SNX29: variants seen among roughly 807,000 people sequenced by gnomAD.
SNX29 encodes the protein sorting nexin-29.
SNX29 carries 78 observed loss-of-function variants against 102.1 expected under a neutral mutation model. The ratio of observed to expected loss-of-function variants is 0.76; its 90% CI spans 0.64 to 0.92. SNX29 has a LOEUF of 0.92. SNX29 is among the 40% of genes least tolerant of loss of function. The pLI, the probability that SNX29 is intolerant of heterozygous loss-of-function variation, is 0.00. For missense variants in SNX29, 1,280 were observed against 1,061.7 expected, an observed-to-expected ratio of 1.21 and a Z score of -2.86; for synonymous variants, 580 against 414.5, an observed-to-expected ratio of 1.40 and a Z score of -4.85.
intron 9 of SNX29, among the ~76,000 whole-genome samples, chr16:12,062,423 T>TAG (rs1567172326): frequency 9.1e-6 from 1 of 109,592 alleles, no homozygotes; most frequent in African/African-American, 3.3e-5. Flanking sequence ...TAAATAAATA[T>TAG]GTCTCTGGTA....
At chr16:12,415,960 G>A (rs2084619188) in intron 18 of SNX29, among the ~76,000 whole-genome samples, 1 of 152,194 alleles carries the variant, frequency 6.6e-6, no homozygotes, top group Non-Finnish European at 1.5e-5. Context: ...GCTCGTCCTG[G>A]GAGCATTGTT....
At chr16:12,257,521 T>C (rs80215970) in intron 14 of SNX29, among the ~76,000 whole-genome samples, 2,418 of 106,104 alleles carry the variant, frequency 0.023, 62 homozygotes, top group African/African-American at 0.091. Flanking sequence ...CTCTCTCTCT[T>C]TAAGAGAGAC....
At chr16:12,296,790 A>G (rs1301571267) in intron 15 of SNX29, among the ~76,000 whole-genome samples, 2 of 152,214 alleles carry the variant, frequency 1.3e-5, no homozygotes, top group African/African-American at 4.8e-5. Context: ...CACTTTAATG[A>G]AGGGTAAACG....
intron 3 of SNX29, among the ~76,000 whole-genome samples, chr16:12,003,451 A>G (rs148328067): frequency 6.6e-6 from 1 of 152,318 alleles, no homozygotes; most frequent in East Asian, 1.9e-4. Context: ...ATGTTTATGT[A>G]GAATTTGTTT....
chr16:12,122,461 C>G (rs1305756881), intron 11 of SNX29, among the ~76,000 whole-genome samples: 1 of 151,972 alleles, frequency 6.6e-6, no homozygotes, highest in African/African-American at 2.4e-5. Flanking sequence ...GCCAGCAAGC[C>G]CCAGATGCTC....
At chr16:11,994,588 G>A (rs1001231176) in intron 1 of SNX29, among the ~76,000 whole-genome samples, 3 of 152,190 alleles carry the variant, frequency 2.0e-5, no homozygotes, top group African/African-American at 7.2e-5. Context: ...TTTCCTCTCT[G>A]AGTCACAGTG....
intron 13 of SNX29, among the ~76,000 whole-genome samples, chr16:12,133,041 CA>C (rs2054525690): frequency 1.3e-5 from 2 of 152,126 alleles, no homozygotes; most frequent in African/African-American, 4.8e-5. Context: ...TGCTGGGGCA[CA>C]GGGCAGGGCA....
At chr16:11,984,411 C>A (rs1207279482) in intron 1 of SNX29, among the ~76,000 whole-genome samples, 1 of 150,856 alleles carries the variant, frequency 6.6e-6, no homozygotes, top group Non-Finnish European at 1.5e-5. Context: ...CTGATATAGG[C>A]TGCAGTAATT....
intron 16 of SNX29, among the ~76,000 whole-genome samples, chr16:12,368,067 T>TG (rs1416304919): frequency 6.6e-6 from 1 of 152,210 alleles, no homozygotes. Flanking sequence ...TTCTTGCACC[T>TG]GGGGGGAGTT....
At chr16:12,243,200 T>A (rs1173147860) in intron 14 of SNX29, among the ~76,000 whole-genome samples, 1 of 152,236 alleles carries the variant, frequency 6.6e-6, no homozygotes, top group Non-Finnish European at 1.5e-5. Flanking sequence ...TGCATGTAGT[T>A]GACAGTGAAT....
intron 13 of SNX29, among the ~76,000 whole-genome samples, chr16:12,137,153 A>G (rs1567239826): frequency 6.6e-6 from 1 of 152,104 alleles, no homozygotes; most frequent in African/African-American, 2.4e-5. Flanking sequence ...TGTCTCTTGC[A>G]TTTTTTCCTA....
intron 20 of SNX29, among the ~76,000 whole-genome samples, chr16:12,533,665 A>G (rs1348678577): frequency 1.3e-5 from 2 of 152,182 alleles, no homozygotes; most frequent in Non-Finnish European, 2.9e-5. Flanking sequence ...TCCAGCATCA[A>G]TAGGCACCCC....
intron 20 of SNX29, 108 bp from the exon 21 acceptor site, chr16:12,568,398 A>G (rs995593802): frequency 3.5e-6 from 5 of 1,435,094 alleles, no homozygotes; most frequent in African/African-American, 1.4e-5. Context: ...AGCCAGTCAC[A>G]GTTGCCAATC....
chr16:12,146,390 C>G (rs141968452), intron 13 of SNX29, among the ~76,000 whole-genome samples: 2,438 of 152,160 alleles, frequency 0.016, 47 homozygotes, highest in Non-Finnish European at 0.027. Flanking sequence ...CTCAGCCTCC[C>G]GAGTAGCTGG....
rs547280616 is a variant in SNX29 at position 12,560,780 on chromosome 16, A to G, written c.2319-7726A>G. 5.5e-4 allele frequency: 96 copies of G among 176,100 alleles called. 1 individual carries two copies. Among genetic ancestry groups the G allele is most frequent in the African/African-American group, 2.1e-3 (89 of 42,264 alleles). The allele number at this position is 176,100 out of a possible 1,614,324, so 10.9% of individuals were successfully genotyped here. On this transcript the variant is annotated intron_variant, in intron 20 of 20. Transcript: ENST00000566228. Reference sequence around the variant, plus strand: ...CCATAGGATTTACCCTCTGTGCTTTATTTTCCATGCCCTTAAGATTAGGAT... The same window carrying G: ...CCATAGGATTTACCCTCTGTGCTTTGTTTTCCATGCCCTTAAGATTAGGAT...
intron 13 of SNX29, among the ~76,000 whole-genome samples, chr16:12,179,711 A>G (rs1324338584): frequency 6.6e-6 from 1 of 152,012 alleles, no homozygotes; most frequent in Admixed American, 6.6e-5. Flanking sequence ...TCTGCAAGGG[A>G]CTGTTGATGG....
At chr16:12,131,364 C>G (rs1043953837) in intron 13 of SNX29, among the ~76,000 whole-genome samples, 5 of 152,230 alleles carry the variant, frequency 3.3e-5, no homozygotes, top group South Asian at 2.1e-4. Flanking sequence ...TTACATGCAT[C>G]TTTACTGAAT....
At chr16:12,336,278 A>T (rs980905187) in intron 15 of SNX29, among the ~76,000 whole-genome samples, 2 of 152,188 alleles carry the variant, frequency 1.3e-5, no homozygotes, top group Non-Finnish European at 2.9e-5. Flanking sequence ...AGGTATTCAG[A>T]ATAGACTCTC....
intron 20 of SNX29, among the ~76,000 whole-genome samples, chr16:12,555,591 C>G (rs1168822108): frequency 1.3e-5 from 2 of 151,908 alleles, no homozygotes; most frequent in African/African-American, 4.8e-5. Flanking sequence ...TCTCCCTGTA[C>G]CCAGCAGCTG....
Sources: gnomAD v4.1 joint callset for allele counts (sites outside exome capture counted in the v4.1 genomes callset) on GRCh38, gnomAD v4.1.1 for gene constraint, MANE v1.5 for transcripts, NCBI Gene and HGNC (gene_info 2026-07-23, HGNC 2026-07-21) for gene names.